The following SPTBN4 variants were observed in gnomAD, a reference collection of about 807,000 sequenced individuals.
SPTBN4 encodes spectrin beta chain, non-erythrocytic 4.
SPTBN4 carries 96 observed loss-of-function variants against 277.8 expected under a neutral mutation model. That is an observed-to-expected ratio of 0.35 (90% confidence interval 0.29 to 0.41). The LOEUF is 0.41. Ranked by LOEUF, SPTBN4 falls within the 10% of genes least tolerant of loss-of-function variation. The pLI, the probability that SPTBN4 is intolerant of heterozygous loss-of-function variation, is 1.00. For synonymous variants in SPTBN4, 1,481 were observed against 1,580.3 expected (o/e 0.94, Z 1.49); for missense variants, 3,006 against 3,595.7 (o/e 0.84, Z 4.19).
At chr19:40,509,972 TC>T (rs904288165) in intron 13 of SPTBN4, among the ~76,000 whole-genome samples, 6 of 152,122 alleles carry the variant, frequency 3.9e-5, no homozygotes, top group African/African-American at 1.2e-4. Flanking sequence ...CTCAGGAAGC[TC>T]CCTTTGCCCT....
Position 40,560,210 on chromosome 19 carries a change from G to A in SPTBN4, c.5722G>A (p.Glu1908Lys), listed in dbSNP as rs769601237. 11 of 1,606,722 alleles carry A rather than the reference G, an allele frequency of 6.8e-6. No individual in the cohort carries two copies. The highest frequency in any genetic ancestry group is 5.9e-6 in the Non-Finnish European group (7 of 1,179,884). ...CCAGCTGCGGACGGTGTATGCGGGT[G>A]AACATGCCGAGGCCATCGCTAGCCG... ...AAQLRTVYAG[E>K]HAEAIASREQ... The change falls in exon 27 of 36, where the codon GAA becomes AAA. Residue 1908 changes from glutamate to lysine, a missense_variant. Physicochemically the swap from Glu to Lys is moderately conservative, Grantham distance 56 (BLOSUM62 1). This residue lies in a region of SPTBN4 where 425 missense variants were observed against 594.7 expected (regional missense o/e 0.71). Transcript: ENST00000598249. The surrounding 1 kb of genome is among the most constrained non-coding windows in gnomAD (Gnocchi z 5.2).
chr19:40,570,362 C>G, intron 32 of SPTBN4, 74 bp from the exon 33 acceptor site: 1 of 1,009,762 alleles, frequency 9.9e-7, no homozygotes, highest in Non-Finnish European at 1.4e-6. Context: ...ACCCCAGACC[C>G]ATGACTCCCC....
chr19:40,490,317 C>G lies in SPTBN4; in HGVS notation c.495+69C>G. 6.6e-7 allele frequency: 1 copy of G among 1,517,820 alleles called. No individual in the cohort carries two copies. The highest frequency in any genetic ancestry group is 8.9e-7 in the Non-Finnish European group (1 of 1,125,110). 94.0% of individuals were successfully genotyped at this position (1,517,820 alleles called of 1,614,324 possible). A position where few individuals can be genotyped will look rare whatever the true frequency, so the allele number is the denominator to read the frequency against. On this transcript the variant is annotated intron_variant, in intron 4 of 35. Transcript: ENST00000598249. This position sits in a 1 kb window ranked among gnomAD's most constrained non-coding sequence, Gnocchi z 4.3. The stretch of plus-strand genomic sequence containing the variant: ...TAGGAAAGCGTTCCCCACCATTTAC[C>G]CATTCATTCTTTCCTTCCAATAATA...
chr19:40,575,649 G>T lies in SPTBN4; in HGVS notation c.*80G>T. Reference sequence around the variant, plus strand: ...GCACAAAGACACTTTTTCTTCCGCAGGGGCGGGAGCCCCTAGTTCCAACAC... The same window carrying T: ...GCACAAAGACACTTTTTCTTCCGCATGGGCGGGAGCCCCTAGTTCCAACAC... On this transcript the variant is annotated 3_prime_UTR_variant, in exon 36 of 36. Transcript: ENST00000598249. The T allele has an allele frequency of 6.8e-7, 1 of 1,476,520 alleles. No homozygotes were observed. The allele number at this position is 1,476,520 out of a possible 1,614,324, so 91.5% of individuals were successfully genotyped here.
chr19:40,575,279 C>A, intron 35 of SPTBN4, 132 bp from the exon 36 acceptor site: 1 of 1,036,044 alleles, frequency 9.7e-7, no homozygotes, highest in Non-Finnish European at 1.4e-6. Context: ...TATGTAACTG[C>A]ATCATCATCA....
In SPTBN4 at chr19:40,490,170, C is replaced by G; in HGVS notation, c.417C>G (p.Asn139Lys). ...AGGAGCAGCGCGTGCACCTGGAGAACGTGGGTTCGCATGACATCGTGGATG... is the reference window on the plus strand; with the variant it reads ...AGGAGCAGCGCGTGCACCTGGAGAAGGTGGGTTCGCATGACATCGTGGATG... ...FLKEQRVHLE[N>K]VGSHDIVDGN... Residue 139 changes from asparagine (N) to lysine (K), a missense_variant, in exon 4 of 36, where the codon AAC (asparagine) becomes AAG (lysine). This residue lies in a region of SPTBN4 where 114 missense variants were observed against 196.1 expected (regional missense o/e 0.58). Coordinates refer to ENST00000598249, the MANE Select transcript of SPTBN4 (RefSeq NM_020971.3). This position sits in a 1 kb window ranked among gnomAD's most constrained non-coding sequence, Gnocchi z 4.3. 5 of 1,614,224 alleles carry G rather than the reference C, an allele frequency of 3.1e-6. No homozygotes were observed. Among genetic ancestry groups the G allele is most frequent in the Non-Finnish European group, 4.2e-6 (5 of 1,180,036 alleles).
chr19:40,503,946 G>A lies in SPTBN4; in HGVS notation c.1479G>A (p.Gln493=). The A allele has an allele frequency of 1.2e-6, 2 of 1,613,970 alleles. No homozygotes were observed. The highest frequency in any genetic ancestry group is 2.2e-5 in the South Asian group (2 of 91,080). ...TGCAGGGTGTGGCGGAGCTGGCCCA[G>A]GCATTGGCAGCCGAAGGCTACTACG... ...ERVQGVAELA[Q]ALAAEGYYDI... The change falls in exon 12 of 36, where the codon CAG becomes CAA. Residue 493 remains glutamine (Q), a synonymous_variant. Coordinates refer to ENST00000598249, the MANE Select transcript of SPTBN4 (RefSeq NM_020971.3).
intron 18 of SPTBN4, chr19:40,530,676 G>T: frequency 1.4e-6 from 1 of 699,286 alleles, no homozygotes. Context: ...CCCGCCCGTC[G>T]TGGCCGCGGG....
chr19:40,472,535 C>A, intron 1 of SPTBN4, 72 bp from the exon 2 acceptor site: 1 of 1,380,400 alleles, frequency 7.2e-7, no homozygotes, highest in Non-Finnish European at 9.8e-7. Context: ...AGAGAGGGGA[C>A]AGGACTCAAA....
chr19:40,554,082 G>T lies in SPTBN4; in HGVS notation c.4675-65G>T. ...TGGGCCGTGCCAGTAGCAGAGGAGCGTGTGGTCTTGCAGGGCCTCGGAACG... is the reference window on the plus strand; with the variant it reads ...TGGGCCGTGCCAGTAGCAGAGGAGCTTGTGGTCTTGCAGGGCCTCGGAACG... On this transcript the variant is annotated intron_variant, in intron 22 of 35. Coordinates refer to ENST00000598249, the MANE Select transcript of SPTBN4 (RefSeq NM_020971.3). This position sits in a 1 kb window ranked among gnomAD's most constrained non-coding sequence, Gnocchi z 5.7. 2.9e-6 allele frequency: 4 copies of T among 1,371,206 alleles called. No homozygotes were observed. The highest frequency in any genetic ancestry group is 3.8e-6 in the Non-Finnish European group (4 of 1,065,570). The allele number at this position is 1,371,206 out of a possible 1,614,324, so 84.9% of individuals were successfully genotyped here.
chr19:40,565,090 C>T (rs1320205198), intron 27 of SPTBN4, among the ~76,000 whole-genome samples: 1 of 151,444 alleles, frequency 6.6e-6, no homozygotes, highest in Non-Finnish European at 1.5e-5. Context: ...CATGGAGAAA[C>T]CCCATCTCTA....
chr19:40,525,826 C>T (rs940062423), intron 17 of SPTBN4, among the ~76,000 whole-genome samples: 26 of 152,268 alleles, frequency 1.7e-4, no homozygotes, highest in South Asian at 2.1e-4. Context: ...GGATGGGAGA[C>T]GTGCAGCCGC....
intron 13 of SPTBN4, 150 bp from the exon 14 acceptor site, chr19:40,512,456 G>C: frequency 2.0e-6 from 2 of 998,216 alleles, no homozygotes; most frequent in Non-Finnish European, 2.8e-6. Context: ...CCAGCCTTGG[G>C]GTGTCAGGGA....
Position 40,472,664 on chromosome 19 carries a change from C to T in SPTBN4, c.43C>T (p.Pro15Ser). The change falls in exon 2 of 36, where the codon CCT becomes TCT. Residue 15 changes from proline (P) to serine (S), a missense_variant. Pro to Ser is a moderately conservative substitution (Grantham distance 74). Coordinates refer to ENST00000598249, the MANE Select transcript of SPTBN4 (RefSeq NM_020971.3). ...PGEVDNMEGL[P>S]APNNNPAARW... The stretch of plus-strand genomic sequence containing the variant: ...GGAAGTGGACAACATGGAGGGCCTG[C>T]CTGCTCCTAACAACAACCCTGCTGC... 6.2e-7 allele frequency: 1 copy of T among 1,613,850 alleles called. No homozygotes were observed. Among genetic ancestry groups the T allele is most frequent in the Non-Finnish European group, 8.5e-7 (1 of 1,179,924 alleles).
chr19:40,474,694 G>C (rs1353548156), intron 2 of SPTBN4, among the ~76,000 whole-genome samples: 1 of 152,054 alleles, frequency 6.6e-6, no homozygotes, highest in Non-Finnish European at 1.5e-5. Flanking sequence ...GAGATCAGGA[G>C]TTTGAGACCA....
At chr19:40,531,402 G>T (rs965713129) in intron 18 of SPTBN4, among the ~76,000 whole-genome samples, 1 of 145,242 alleles carries the variant, frequency 6.9e-6, no homozygotes, top group Non-Finnish European at 1.5e-5. Flanking sequence ...GGGGATCTGG[G>T]ATTTGTCCTT....
chr19:40,571,899 C>A, intron 33 of SPTBN4, 120 bp from the exon 34 acceptor site: 1 of 1,216,712 alleles, frequency 8.2e-7, no homozygotes, highest in Non-Finnish European at 1.1e-6. Flanking sequence ...TAGGGCGCAA[C>A]TAGGGCGCAA....
intron 16 of SPTBN4, among the ~76,000 whole-genome samples, chr19:40,521,874 C>T (rs2145879917): frequency 6.6e-6 from 1 of 152,262 alleles, no homozygotes; most frequent in South Asian, 2.1e-4. Context: ...GTCTCCAGCT[C>T]CTGGGCTCAA....
At chr19:40,551,397 TCTCA>T (rs1199368529) in intron 22 of SPTBN4, among the ~76,000 whole-genome samples, 7 of 118,116 alleles carry the variant, frequency 5.9e-5, no homozygotes, top group African/African-American at 1.8e-4. Flanking sequence ...TCTCTCTCTC[TCTCA>T]CACACACACA....
Sources: allele counts gnomAD v4.1 joint callset (sites outside exome capture counted in the v4.1 genomes callset), GRCh38; gene constraint gnomAD v4.1.1; regional missense constraint gnomAD v4.1.1; non-coding constraint Gnocchi (gnomAD v3.1); transcripts MANE v1.5; gene names NCBI Gene and HGNC (gene_info 2026-07-23, HGNC 2026-07-21).